The following ZNF544 variants were observed in gnomAD, a reference collection of about 807,000 sequenced individuals.
ZNF544 encodes zinc finger protein 544, also known as zinc finger protein AF020591.
In ZNF544, 10 loss-of-function variants were observed where a neutral mutation model predicts 13.5. That is an observed-to-expected ratio of 0.74 (90% confidence interval 0.46 to 1.25). ZNF544 has a LOEUF of 1.25. Ranked by LOEUF, ZNF544 falls within the 50% of genes most tolerant of loss-of-function variation. ZNF544 has a pLI of 0.00. For missense variants in ZNF544, 896 were observed against 845.6 expected, an observed-to-expected ratio of 1.06 and a Z score of -0.74; for synonymous variants, 323 against 300.5, an observed-to-expected ratio of 1.07 and a Z score of -0.77.
In ZNF544 at chr19:58,261,510, G is replaced by A. The variant is rs778179396; in HGVS notation, c.904G>A (p.Glu302Lys). ...TGGGAAAAGTCAGTATGAGTGTGATGAGTGCAGGGAAACCTGTTCTGAGAG... is the reference window on the plus strand; with the variant it reads ...TGGGAAAAGTCAGTATGAGTGTGATAAGTGCAGGGAAACCTGTTCTGAGAG... ...HFGKSQYECD[E>K]CRETCSESLC... is the part of the protein sequence containing the mutation. Residue 302 changes from glutamate to lysine, a missense_variant, in exon 7 of 7, where the codon GAG (glutamate) becomes AAG (lysine). Transcript: ENST00000687789. 6.2e-7 allele frequency: 1 copy of A among 1,614,186 alleles called. No individual in the cohort carries two copies.
intron 6 of ZNF544, among the ~76,000 whole-genome samples, chr19:58,253,040 G>A (rs986048206): frequency 4.6e-5 from 7 of 152,150 alleles, no homozygotes; most frequent in African/African-American, 7.2e-5. Flanking sequence ...GGATGGGCTC[G>A]ATTTCCTGAC....
chr19:58,264,935 G>A (rs901605798), downstream of ZNF544, among the ~76,000 whole-genome samples: 2 of 151,702 alleles, frequency 1.3e-5, no homozygotes, highest in South Asian at 2.1e-4. Context: ...GCCTGGGGGT[G>A]GGGGGGATGG....
chr19:58,241,179 A>ATATATATATATATAT (rs1181835768), intron 3 of ZNF544, among the ~76,000 whole-genome samples: 5 of 72,758 alleles, frequency 6.9e-5, no homozygotes, highest in African/African-American at 2.4e-4. Flanking sequence ...ATATATATAT[A>ATATATATATATATAT]TTTTTTTTTT....
At chr19:58,268,560 A>G (rs1183362030), downstream of ZNF544, among the ~76,000 whole-genome samples, 1 of 152,248 alleles carries the variant, frequency 6.6e-6, no homozygotes, top group East Asian at 1.9e-4. Flanking sequence ...GCACACCTGA[A>G]CAAAGGAGGG....
intron 5 of ZNF544, among the ~76,000 whole-genome samples, chr19:58,274,989 C>G (rs2051106897): frequency 6.6e-6 from 1 of 151,932 alleles, no homozygotes; most frequent in African/African-American, 2.4e-5. Flanking sequence ...CAGCCAAAAC[C>G]CTGGTCAGGG....
intron 3 of ZNF544, among the ~76,000 whole-genome samples, chr19:58,237,178 C>T (rs2042595868): frequency 6.6e-6 from 1 of 152,004 alleles, no homozygotes. Context: ...ATCTTCCCGC[C>T]TCAGCCTCCC....
At chr19:58,275,806 AAG>A (rs2051178304) in intron 5 of ZNF544, among the ~76,000 whole-genome samples, 2 of 131,282 alleles carry the variant, frequency 1.5e-5, no homozygotes, top group South Asian at 4.8e-4. Context: ...AAAAAAAGGA[AAG>A]AGGAAATAAT....
chr19:58,261,708 C>G lies in ZNF544; in HGVS notation c.1102C>G (p.Leu368Val). The G allele has an allele frequency of 6.2e-7, 1 of 1,614,174 alleles. No homozygotes were observed. Among genetic ancestry groups the G allele is most frequent in the South Asian group, 1.1e-5 (1 of 91,088 alleles). The change falls in exon 7 of 7, where the codon CTC (leucine) becomes GTC (valine). Residue 368 changes from leucine (L) to valine (V), a missense_variant. By Grantham distance (32) the Leu-to-Val change is conservative. Coordinates refer to ENST00000687789, the MANE Select transcript of ZNF544 (RefSeq NM_014480.4). The part of the protein sequence containing the change: ...QCGKSFSCCK[L>V]IHQRTHTGEK... ...TGGAAAATCTTTCAGCTGTTGTAAGCTCATACACCAGAGAACACACACTGG... is the reference window on the plus strand; with the variant it reads ...TGGAAAATCTTTCAGCTGTTGTAAGGTCATACACCAGAGAACACACACTGG...
chr19:58,250,428 T>C (rs187943077), intron 6 of ZNF544, among the ~76,000 whole-genome samples: 45 of 152,340 alleles, frequency 3.0e-4, no homozygotes, highest in African/African-American at 1.1e-3. Flanking sequence ...GCTAGTGGGC[T>C]TACCTTGGCA....
intron 6 of ZNF544, chr19:58,260,527 G>A (rs2048684100): frequency 5.2e-6 from 1 of 191,408 alleles, no homozygotes; most frequent in Non-Finnish European, 1.1e-5. Context: ...TGATCCACCT[G>A]CCTCAGCCTC....
downstream of ZNF544, among the ~76,000 whole-genome samples, chr19:58,268,261 A>AGG (rs2050185100): frequency 6.6e-6 from 1 of 152,196 alleles, no homozygotes; most frequent in Non-Finnish European, 1.5e-5. Flanking sequence ...GTCTAGTGCC[A>AGG]TTACACTCCA....
At position 58,261,613 on chromosome 19, in the gene ZNF544, C is replaced by T; in HGVS notation, c.1007C>T (p.Pro336Leu). The change falls in exon 7 of 7, where the codon CCC (proline) becomes CTC (leucine). Residue 336 changes from proline to leucine, a missense_variant. Pro to Leu is a moderately conservative substitution (Grantham distance 98). Coordinates refer to ENST00000687789, the MANE Select transcript of ZNF544 (RefSeq NM_014480.4). The part of the protein sequence containing the change: ...FRCEERCAAF[P>L]MASSFSDCNI... ...TGTGAGGAACGCTGTGCTGCCTTCCCCATGGCCTCATCTTTTTCTGACTGT... is the reference window on the plus strand; with the variant it reads ...TGTGAGGAACGCTGTGCTGCCTTCCTCATGGCCTCATCTTTTTCTGACTGT... 1 of 1,614,214 alleles carries T rather than the reference C, an allele frequency of 6.2e-7. No individual in the cohort carries two copies. Among genetic ancestry groups the T allele is most frequent in the Non-Finnish European group, 8.5e-7 (1 of 1,180,040 alleles).
chr19:58,234,483 A>G (rs1028371037), intron 3 of ZNF544, among the ~76,000 whole-genome samples: 1 of 152,232 alleles, frequency 6.6e-6, no homozygotes, highest in Non-Finnish European at 1.5e-5. Flanking sequence ...TCCCACTTAC[A>G]TCCCTGGCCT....
At chr19:58,275,530 A>G (rs1035299365) in intron 5 of ZNF544, among the ~76,000 whole-genome samples, 1 of 151,808 alleles carries the variant, frequency 6.6e-6, no homozygotes, top group African/African-American at 2.4e-5. Flanking sequence ...AGAAAAAAAA[A>G]ATAGGCTGGG....
intron 3 of ZNF544, among the ~76,000 whole-genome samples, chr19:58,239,564 T>C (rs2043129348): frequency 6.6e-6 from 1 of 152,196 alleles, no homozygotes. Context: ...GAAAAGCTCT[T>C]ATATTCACAG....
chr19:58,275,082 G>A (rs1295904955), intron 5 of ZNF544, among the ~76,000 whole-genome samples: 1 of 152,080 alleles, frequency 6.6e-6, no homozygotes, highest in African/African-American at 2.4e-5. Flanking sequence ...GGAGGGTGGT[G>A]CCTGAAATCC....
chr19:58,256,727 G>C (rs2047486422), intron 6 of ZNF544, among the ~76,000 whole-genome samples: 1 of 152,112 alleles, frequency 6.6e-6, no homozygotes, highest in Non-Finnish European at 1.5e-5. Flanking sequence ...GGGCTCTTTT[G>C]AAATGCTGAG....
intron 5 of ZNF544, among the ~76,000 whole-genome samples, chr19:58,272,093 G>GGAGATTGCAATGAGCC (rs796547310): frequency 5.9e-5 from 9 of 151,468 alleles, no homozygotes; most frequent in African/African-American, 2.2e-4. Context: ...CCCGGGAGTT[G>GGAGATTGCAATGAGCC]GAGATTGCAA....
At chr19:58,255,608 C>G (rs2047128390) in intron 6 of ZNF544, among the ~76,000 whole-genome samples, 1 of 119,908 alleles carries the variant, frequency 8.3e-6, no homozygotes, top group Non-Finnish European at 1.9e-5. Flanking sequence ...TCCCAAAGGT[C>G]TTCAGACAGT....
Sources: allele counts gnomAD v4.1 joint callset (sites outside exome capture counted in the v4.1 genomes callset), GRCh38; gene constraint gnomAD v4.1.1; transcripts MANE v1.5; gene names NCBI Gene and HGNC (gene_info 2026-07-23, HGNC 2026-07-21).